The following MGST2 variants were observed in gnomAD, a reference collection of about 807,000 sequenced individuals.
The protein encoded by MGST2 is glutathione peroxidase MGST2.
Under a neutral mutation model 16.6 loss-of-function variants are expected in MGST2, and 9 were observed. The observed-to-expected ratio is 0.54, with a 90% CI of 0.33 to 0.95. The LOEUF is 0.95. Ranked by LOEUF, MGST2 falls within the 40% of genes least tolerant of loss-of-function variation. The pLI is 0.03. For missense variants in MGST2, 159 were observed against 175.1 expected (o/e 0.91, Z 0.52); for synonymous variants, 79 against 68.0 (o/e 1.16, Z -0.79).
intron 2 of MGST2, among the ~76,000 whole-genome samples, chr4:139,686,547 C>T (rs944181395): frequency 1.3e-5 from 2 of 152,150 alleles, no homozygotes; most frequent in Admixed American, 1.3e-4. Context: ...GGTTTACACC[C>T]TATTCAACAG....
rs529272898 is a variant in MGST2 at position 139,714,546 on chromosome 4, G to C, written c.*48+10350G>C. ...TTGTTCTGGCCAAAGCAAAATACGC[G>C]TAATAAAACATAGATATTAACCAGG... On this transcript the variant is annotated intron_variant, in intron 5 of 5. Coordinates refer to the MGST2 transcript ENST00000616265. 3.9e-5 allele frequency among the ~76,000 whole-genome samples: 6 copies of C among 152,190 alleles called. No individual in the cohort carries two copies. The East Asian group carries it at 5.8e-4, about 15-fold the overall frequency.
At chr4:139,733,903 G>GC (rs1728824093) in intron 5 of MGST2, among the ~76,000 whole-genome samples, 1 of 152,146 alleles carries the variant, frequency 6.6e-6, no homozygotes, top group Non-Finnish European at 1.5e-5. Context: ...TGTTGCCCAA[G>GC]CTGGTCTTGA....
chr4:139,725,983 A>T, intron 5 of MGST2: 1 of 669,138 alleles, frequency 1.5e-6, no homozygotes, highest in South Asian at 1.8e-5. Context: ...AAGTGCACAA[A>T]GTCTAAGGAT....
intron 5 of MGST2, among the ~76,000 whole-genome samples, chr4:139,734,606 C>G (rs4580611): frequency 0.53 from 81,070 of 152,082 alleles, 22,083 homozygotes; most frequent in African/African-American, 0.64. Flanking sequence ...TTTCTAAAGG[C>G]TAGAGTGAGG....
chr4:139,704,055 G>A lies in MGST2; in HGVS notation c.351G>A (p.Leu117=). 2 of 1,614,118 alleles carry A rather than the reference G, an allele frequency of 1.2e-6. No homozygotes were observed. Among genetic ancestry groups the A allele is most frequent in the East Asian group, 2.2e-5 (1 of 44,880 alleles). ...GFRLSLGILA[L]LTLLGALGIA... Reference sequence around the variant, plus strand: ...GACTGAGTCTGGGGATTTTGGCCTTGTTGACCCTCCTAGGTGCCCTGGGAA... The same window carrying A: ...GACTGAGTCTGGGGATTTTGGCCTTATTGACCCTCCTAGGTGCCCTGGGAA... The change falls in exon 5 of 5, where the codon TTG becomes TTA. Residue 117 remains leucine, a synonymous_variant. Transcript: ENST00000265498.
chr4:139,754,471 T>A, the MGST2 span, among the ~76,000 whole-genome samples: 35 of 152,370 alleles, frequency 2.3e-4, no homozygotes, highest in African/African-American at 7.5e-4. Context: ...TGTATAAAGC[T>A]GTTATCATTT....
downstream of MGST2, among the ~76,000 whole-genome samples, chr4:139,705,101 T>G (rs1430509617): frequency 2.6e-5 from 4 of 152,126 alleles, no homozygotes; most frequent in Non-Finnish European, 5.9e-5. Flanking sequence ...GGCCGGAGCC[T>G]CCAACACATG....
intron 5 of MGST2, among the ~76,000 whole-genome samples, chr4:139,739,971 G>A (rs1312348610): frequency 6.6e-6 from 1 of 152,108 alleles, no homozygotes; most frequent in Non-Finnish European, 1.5e-5. Context: ...CCCACCTTAC[G>A]CTCTAGAGGG....
chr4:139,706,576 T>A (rs1414295075), downstream of MGST2, among the ~76,000 whole-genome samples: 1 of 152,228 alleles, frequency 6.6e-6, no homozygotes, highest in Non-Finnish European at 1.5e-5. Flanking sequence ...TTCATAACCA[T>A]GTCCTTTGCA....
rs115386657 is a variant in MGST2 at position 139,714,543 on chromosome 4, C to G, written c.*48+10347C>G. On this transcript the variant is annotated intron_variant, in intron 5 of 5. Coordinates refer to the MGST2 transcript ENST00000616265. ...TTTTTGTTCTGGCCAAAGCAAAATA[C>G]GCGTAATAAAACATAGATATTAACC... Among the ~76,000 whole-genome samples the G allele has an allele frequency of 5.4e-3, 827 of 152,292 alleles. 5 individuals are homozygous for G. The highest frequency in any genetic ancestry group is 0.019 in the African/African-American group (778 of 41,550).
At chr4:139,685,989 A>C (rs1349694030) in intron 2 of MGST2, among the ~76,000 whole-genome samples, 1 of 152,226 alleles carries the variant, frequency 6.6e-6, no homozygotes, top group Non-Finnish European at 1.5e-5. Flanking sequence ...TGAGCCAAAT[A>C]TGAGTGATCA....
intron 5 of MGST2, among the ~76,000 whole-genome samples, chr4:139,736,743 G>A (rs1325472673): frequency 2.6e-5 from 4 of 152,116 alleles, no homozygotes; most frequent in Non-Finnish European, 2.9e-5. Flanking sequence ...TCCCCTCTAG[G>A]CCTCCTGAAT....
downstream of MGST2, among the ~76,000 whole-genome samples, chr4:139,742,361 C>A (rs1729198323): frequency 6.6e-6 from 1 of 152,162 alleles, no homozygotes; most frequent in African/African-American, 2.4e-5. Flanking sequence ...GTTGGCCAGG[C>A]TGGTCTCAAA....
At chr4:139,696,381 GGTCCAT>G (rs1443674943) in intron 3 of MGST2, among the ~76,000 whole-genome samples, 1 of 152,112 alleles carries the variant, frequency 6.6e-6, no homozygotes, top group Non-Finnish European at 1.5e-5. Context: ...ATCATAGAAG[GGTCCAT>G]GTCATAAAAG....
At position 139,666,003 on chromosome 4, in the gene MGST2, A is replaced by G; in HGVS notation, c.-17A>G. ...ATTTATCTTCCCGTGCGCTCTACAA[A>G]TAGTTCCGTGAGAAAGATGGCCGGG... On this transcript the variant is annotated 5_prime_UTR_variant, in exon 1 of 5. Transcript: ENST00000265498. The G allele has an allele frequency of 6.2e-7, 1 of 1,613,948 alleles. No individual in the cohort carries two copies. Among genetic ancestry groups the G allele is most frequent in the South Asian group, 1.1e-5 (1 of 91,068 alleles).
intron 3 of MGST2, 96 bp downstream of exon 3, chr4:139,695,363 T>G: frequency 9.4e-7 from 1 of 1,058,430 alleles, no homozygotes; most frequent in East Asian, 2.4e-5. Context: ...GGCTCACACC[T>G]ATATTCCCAG....
At chr4:139,712,771 A>C (rs1179733036) in intron 5 of MGST2, among the ~76,000 whole-genome samples, 1 of 152,196 alleles carries the variant, frequency 6.6e-6, no homozygotes, top group Non-Finnish European at 1.5e-5. Context: ...CCAGTTCCCC[A>C]AAGGGTTTTT....
intron 3 of MGST2, among the ~76,000 whole-genome samples, chr4:139,696,217 G>T (rs753207871): frequency 6.6e-6 from 1 of 152,156 alleles, no homozygotes; most frequent in Non-Finnish European, 1.5e-5. Context: ...AGTCAGAAAA[G>T]GTGAAGGAGG....
At chr4:139,717,067 C>CAGAT (rs1416671331) in intron 5 of MGST2, 3 of 152,290 alleles carry the variant, frequency 2.0e-5, no homozygotes, top group Non-Finnish European at 2.9e-5. Context: ...ATATTTTTTA[C>CAGAT]AGATAGTAGA....
Sources: allele counts gnomAD v4.1 joint callset (sites outside exome capture counted in the v4.1 genomes callset), GRCh38; gene constraint gnomAD v4.1.1; transcripts MANE v1.5; gene names NCBI Gene and HGNC (gene_info 2026-07-23, HGNC 2026-07-21).